The following ADAMTS6 variants were observed in gnomAD, a reference collection of about 807,000 sequenced individuals.
ADAMTS6 encodes A disintegrin and metalloproteinase with thrombospondin motifs 6.
In ADAMTS6, 23 loss-of-function variants were observed where a neutral mutation model predicts 144.3. The ratio of observed to expected loss-of-function variants is 0.16; its 90% confidence interval spans 0.11 to 0.23. The LOEUF is 0.23. ADAMTS6 is among the 10% of genes least tolerant of loss of function. The pLI is 1.00. For synonymous variants in ADAMTS6, 444 were observed against 457.5 expected (o/e 0.97, Z 0.38); for missense variants, 999 against 1,379.6 (o/e 0.72, Z 4.37).
At chr5:65,331,280 T>C (rs986384093) in intron 8 of ADAMTS6, among the ~76,000 whole-genome samples, 2 of 152,098 alleles carry the variant, frequency 1.3e-5, no homozygotes, top group African/African-American at 4.8e-5. Flanking sequence ...TATTATTCCA[T>C]GGGTTAGCTT....
In ADAMTS6 at chr5:65,248,921, AT is replaced by A. The variant is rs376965081; in HGVS notation, c.1831-6716del. 1.1e-3 allele frequency among the ~76,000 whole-genome samples: 164 copies of A among 152,298 alleles called. 2 individuals carry two copies. Among genetic ancestry groups the A allele is most frequent in the African/African-American group, 3.9e-3 (161 of 41,560 alleles). ...CAAAACATAATAAATACAATATACC[AT>A]AAATATATATACAATACATCATAAA... On this transcript the variant is annotated intron_variant, in intron 14 of 24. Transcript: ENST00000381055.
At chr5:65,221,079 C>T (rs1305265342) in intron 18 of ADAMTS6, among the ~76,000 whole-genome samples, 10 of 152,044 alleles carry the variant, frequency 6.6e-5, no homozygotes, top group African/African-American at 2.4e-4. Context: ...TTCTATCAAG[C>T]ATTAAGAAAC....
At chr5:65,414,781 A>G (rs776497513) in intron 7 of ADAMTS6, among the ~76,000 whole-genome samples, 5 of 152,248 alleles carry the variant, frequency 3.3e-5, no homozygotes, top group Non-Finnish European at 5.9e-5. Context: ...TGTATACAGA[A>G]GGACAACAAG....
chr5:65,321,210 C>T (rs1232934237), intron 9 of ADAMTS6, among the ~76,000 whole-genome samples: 2 of 152,142 alleles, frequency 1.3e-5, no homozygotes, highest in African/African-American at 2.4e-5. Context: ...TCACCAGCAT[C>T]GGTTAATTTT....
At chr5:65,329,088 C>G (rs934271202) in intron 9 of ADAMTS6, among the ~76,000 whole-genome samples, 2 of 151,936 alleles carry the variant, frequency 1.3e-5, no homozygotes, top group Non-Finnish European at 2.9e-5. Context: ...AAATAAAGAT[C>G]ATTTAAATAA....
chr5:65,420,941 C>T (rs925050669), intron 7 of ADAMTS6, among the ~76,000 whole-genome samples: 5 of 152,070 alleles, frequency 3.3e-5, no homozygotes, highest in African/African-American at 4.8e-5. Context: ...TCCTTTACCT[C>T]GAGTCTGTAA....
chr5:65,302,111 T>A (rs201184344), intron 9 of ADAMTS6, among the ~76,000 whole-genome samples: 3,131 of 66,966 alleles, frequency 0.047, 167 homozygotes, highest in Admixed American at 0.15. Flanking sequence ...AAAAAAAATA[T>A]ATATATATAT....
chr5:65,238,964 CAGTT>C (rs1195216549), intron 15 of ADAMTS6, among the ~76,000 whole-genome samples: 2 of 152,112 alleles, frequency 1.3e-5, no homozygotes, highest in Non-Finnish European at 2.9e-5. Context: ...AAATGCAAAT[CAGTT>C]AGCATATTGG....
chr5:65,435,039 G>A (rs1358160819), intron 7 of ADAMTS6, among the ~76,000 whole-genome samples: 2 of 152,064 alleles, frequency 1.3e-5, no homozygotes, highest in Non-Finnish European at 2.9e-5. Context: ...CAACTAAATA[G>A]ACCTATGTCC....
At chr5:65,263,677 C>T (rs1276929369) in intron 12 of ADAMTS6, among the ~76,000 whole-genome samples, 1 of 152,158 alleles carries the variant, frequency 6.6e-6, no homozygotes, top group Non-Finnish European at 1.5e-5. Flanking sequence ...TTTATTGAGA[C>T]ACAGACATCA....
intron 12 of ADAMTS6, among the ~76,000 whole-genome samples, chr5:65,268,506 T>C (rs975998708): frequency 3.4e-4 from 52 of 152,192 alleles, no homozygotes; most frequent in African/African-American, 1.1e-3. Context: ...GTTATATTAA[T>C]TGATTTGTAG....
intron 7 of ADAMTS6, among the ~76,000 whole-genome samples, chr5:65,366,757 T>A (rs959494818): frequency 4.6e-5 from 7 of 152,338 alleles, no homozygotes; most frequent in African/African-American, 1.4e-4. Context: ...ACTGCTGTTC[T>A]TGCAGTAAAT....
At chr5:65,355,689 C>T (rs1001836752) in intron 7 of ADAMTS6, among the ~76,000 whole-genome samples, 2 of 151,716 alleles carry the variant, frequency 1.3e-5, no homozygotes, top group African/African-American at 4.8e-5. Context: ...AACAAAGGAA[C>T]TAAAGCATCT....
At chr5:65,442,733 T>A (rs1193808810) in intron 7 of ADAMTS6, among the ~76,000 whole-genome samples, 2 of 152,168 alleles carry the variant, frequency 1.3e-5, no homozygotes. Context: ...GTTACATAGG[T>A]AGACATGTGC....
At chr5:65,248,564 C>T (rs1759842566) in intron 14 of ADAMTS6, among the ~76,000 whole-genome samples, 1 of 152,050 alleles carries the variant, frequency 6.6e-6, no homozygotes, top group Non-Finnish European at 1.5e-5. Context: ...CTTTGAGAAG[C>T]CAAGGCAGGG....
At chr5:65,368,122 T>C (rs551183297) in intron 7 of ADAMTS6, among the ~76,000 whole-genome samples, 1 of 152,328 alleles carries the variant, frequency 6.6e-6, no homozygotes, top group Admixed American at 6.5e-5. Flanking sequence ...ACTTAACTTT[T>C]AAGAATTGGT....
chr5:65,302,156 A>ATATATATTTATATGATATTATACATATAT (rs1385966226), intron 9 of ADAMTS6, among the ~76,000 whole-genome samples: 12 of 144,574 alleles, frequency 8.3e-5, no homozygotes, highest in South Asian at 4.2e-4. Flanking sequence ...TTTACATATA[A>ATATATATTTATATGATATTATACATATAT]TATATATTTA....
At chr5:65,200,669 T>C (rs11745844) in intron 20 of ADAMTS6, among the ~76,000 whole-genome samples, 44,919 of 152,002 alleles carry the variant, frequency 0.3, 6,937 homozygotes, top group Admixed American at 0.38. Context: ...AATACACTAA[T>C]TGTATTTTAT....
intron 14 of ADAMTS6, among the ~76,000 whole-genome samples, chr5:65,243,512 A>T (rs894990466): frequency 6.6e-6 from 1 of 152,144 alleles, no homozygotes; most frequent in African/African-American, 2.4e-5. Flanking sequence ...TGTTTTTAGC[A>T]CATTAAAATA....
Sources: gnomAD v4.1 joint callset for allele counts (sites outside exome capture counted in the v4.1 genomes callset) on GRCh38, gnomAD v4.1.1 for gene constraint, MANE v1.5 for transcripts, NCBI Gene and HGNC (gene_info 2026-07-23, HGNC 2026-07-21) for gene names.